AGAP1: variants seen among roughly 807,000 people sequenced by gnomAD.
AGAP1 encodes ArfGAP with GTPase domain, ankyrin repeat and PH domain 1.
A neutral mutation model predicts 105.3 loss-of-function variants in AGAP1; 29 were observed. That is an observed-to-expected ratio of 0.28 (90% CI 0.21 to 0.38). The LOEUF is 0.38. Among genes scored for constraint, AGAP1 ranks in the 10% least tolerant of loss-of-function variants. The pLI, the probability that AGAP1 is intolerant of heterozygous loss-of-function variation, is 1.00. For missense variants in AGAP1, 998 were observed against 1,165.1 expected, an observed-to-expected ratio of 0.86 and a Z score of 2.09; for synonymous variants, 509 against 485.9, an observed-to-expected ratio of 1.05 and a Z score of -0.63.
intron 9 of AGAP1, among the ~76,000 whole-genome samples, chr2:235,857,205 G>A (rs1489738717): frequency 6.6e-6 from 1 of 152,168 alleles, no homozygotes; most frequent in African/African-American, 2.4e-5. Flanking sequence ...CAGATCAGCG[G>A]AGGCATTAGA....
rs186057671 is a variant in AGAP1 at position 235,578,236 on chromosome 2, C to T, written c.163+83387C>T. Reference sequence around the variant, plus strand: ...ACTGTCAGAGCCAGCCTGAGCTCCACGGTGCCCGTCTCCTACCTGCACTGT... The same window carrying T: ...ACTGTCAGAGCCAGCCTGAGCTCCATGGTGCCCGTCTCCTACCTGCACTGT... On this transcript the variant is annotated intron_variant, in intron 1 of 17. Coordinates refer to ENST00000304032, the MANE Select transcript of AGAP1 (RefSeq NM_001037131.3). This position sits in a 1 kb window ranked among gnomAD's most constrained non-coding sequence, Gnocchi z 4.9. Among the ~76,000 whole-genome samples, 116 of 152,266 alleles carry T rather than the reference C, an allele frequency of 7.6e-4. No individual in the cohort carries two copies. The highest frequency in any genetic ancestry group is 2.6e-3 in the African/African-American group (108 of 41,556).
chr2:235,505,446 G>T (rs1941757161), intron 1 of AGAP1, among the ~76,000 whole-genome samples: 1 of 152,230 alleles, frequency 6.6e-6, no homozygotes, highest in Admixed American at 6.5e-5. Context: ...TATTTTGAGG[G>T]ATGGTGGTGG....
rs1254120295 is a variant in AGAP1, at chr2:235,611,810, A to T, written c.164-97369A>T. Among the ~76,000 whole-genome samples, 1 of 152,210 alleles carries T rather than the reference A, an allele frequency of 6.6e-6. No homozygotes were observed. The highest frequency in any genetic ancestry group is 6.5e-5 in the Admixed American group (1 of 15,282). On this transcript the variant is annotated intron_variant, in intron 1 of 17. Coordinates refer to ENST00000304032, the MANE Select transcript of AGAP1 (RefSeq NM_001037131.3). The surrounding 1 kb of genome is among the most constrained non-coding windows in gnomAD (Gnocchi z 5.0). ...TTCATTTCCTACCTTTGTAGTTTTCATATAAATTAGATTTACATAGGAGAC... is the reference window on the plus strand; with the variant it reads ...TTCATTTCCTACCTTTGTAGTTTTCTTATAAATTAGATTTACATAGGAGAC...
At chr2:235,756,794 G>A (rs1442568016) in intron 6 of AGAP1, among the ~76,000 whole-genome samples, 2 of 152,108 alleles carry the variant, frequency 1.3e-5, no homozygotes, top group Non-Finnish European at 2.9e-5. Context: ...TCTAGGTTAC[G>A]CATTCCTTAG....
rs991273457 is a variant in AGAP1, at chr2:235,958,026, C to G, written c.1484-10436C>G. The stretch of plus-strand genomic sequence containing the variant: ...AGGGGGCCGATACATACGTGCTTAG[C>G]ATTTTCCTCTCTCTTTTCTTTTGTC... On this transcript the variant is annotated intron_variant, in intron 12 of 17. Transcript: ENST00000304032. The surrounding 1 kb of genome is among the most constrained non-coding windows in gnomAD (Gnocchi z 4.1). 2.0e-5 allele frequency among the ~76,000 whole-genome samples: 3 copies of G among 152,220 alleles called. No individual in the cohort carries two copies. The highest frequency in any genetic ancestry group is 1.3e-4 in the Admixed American group (2 of 15,290).
intron 6 of AGAP1, among the ~76,000 whole-genome samples, 198 bp from the exon 7 acceptor site, chr2:235,797,561 C>T (rs1575491752): frequency 7.6e-6 from 1 of 132,358 alleles, no homozygotes; most frequent in South Asian, 2.4e-4. Flanking sequence ...TCAGCTGATG[C>T]GGGGGTGGGG....
intron 8 of AGAP1, among the ~76,000 whole-genome samples, chr2:235,805,944 T>C (rs1044348053): frequency 1.3e-5 from 2 of 152,218 alleles, no homozygotes; most frequent in African/African-American, 4.8e-5. Context: ...TGTTTCCTAA[T>C]GAGCACAGCT....
intron 1 of AGAP1, among the ~76,000 whole-genome samples, chr2:235,693,013 T>C (rs1949811756): frequency 6.6e-6 from 1 of 152,014 alleles, no homozygotes; most frequent in Non-Finnish European, 1.5e-5. Flanking sequence ...CAGTGTGGAC[T>C]GTAGAGTGTC....
chr2:235,836,860 G>C (rs1349365905), intron 9 of AGAP1, among the ~76,000 whole-genome samples: 2 of 152,188 alleles, frequency 1.3e-5, no homozygotes, highest in African/African-American at 4.8e-5. Flanking sequence ...AGGAGGAACG[G>C]GTTACACTGG....
rs1946550392 is a variant in AGAP1, at chr2:235,623,481, C to T, written c.164-85698C>T. Among the ~76,000 whole-genome samples, 1 of 152,136 alleles carries T rather than the reference C, an allele frequency of 6.6e-6. No individual in the cohort carries two copies. Among genetic ancestry groups the T allele is most frequent in the African/African-American group, 2.4e-5 (1 of 41,426 alleles). The stretch of plus-strand genomic sequence containing the variant: ...AAGGTTTCAGGATGACACAAGCCAT[C>T]GGGTTGAGTGTGTTTGTTTCAGCCC... On this transcript the variant is annotated intron_variant, in intron 1 of 17. Transcript: ENST00000304032. This position sits in a 1 kb window ranked among gnomAD's most constrained non-coding sequence, Gnocchi z 4.5.
At chr2:236,039,183 G>A (rs145118887) in intron 14 of AGAP1, among the ~76,000 whole-genome samples, 2 of 152,262 alleles carry the variant, frequency 1.3e-5, no homozygotes, top group Non-Finnish European at 2.9e-5. Context: ...GATGGTTCAC[G>A]CCTGTACTCC....
intron 6 of AGAP1, among the ~76,000 whole-genome samples, chr2:235,796,060 A>C (rs4467219): frequency 0.23 from 35,389 of 152,156 alleles, 5,175 homozygotes; most frequent in Admixed American, 0.4. Flanking sequence ...TGACATCTGC[A>C]CATTTCTTAC....
intron 11 of AGAP1, among the ~76,000 whole-genome samples, chr2:235,925,968 G>A (rs2052427030): frequency 6.6e-6 from 1 of 152,190 alleles, no homozygotes; most frequent in South Asian, 2.1e-4. Context: ...GAAAACAGTT[G>A]CCCTCGAGTA....
chr2:235,990,127 A>G (rs1449109218), intron 13 of AGAP1, among the ~76,000 whole-genome samples: 2 of 152,172 alleles, frequency 1.3e-5, no homozygotes, highest in Non-Finnish European at 2.9e-5. Flanking sequence ...ACCTTTTTTA[A>G]TGTTTTTCCT....
chr2:235,928,448 G>A (rs562312754), intron 11 of AGAP1, among the ~76,000 whole-genome samples: 13 of 152,144 alleles, frequency 8.5e-5, no homozygotes, highest in Admixed American at 3.3e-4. Context: ...ACAACTGCTC[G>A]GGGAACGAGC....
At position 235,789,385 on chromosome 2, in the gene AGAP1, C is replaced by G. The variant is rs1956840737; in HGVS notation, c.674-8374C>G. ...ATTTAAATCCCCCGATTAATAGGAG[C>G]AATTAAACAATAGCTTCATTTCCAG... On this transcript the variant is annotated intron_variant, in intron 6 of 17. Coordinates refer to ENST00000304032, the MANE Select transcript of AGAP1 (RefSeq NM_001037131.3). The surrounding 1 kb of genome is among the most constrained non-coding windows in gnomAD (Gnocchi z 4.2). 6.6e-6 allele frequency among the ~76,000 whole-genome samples: 1 copy of G among 152,114 alleles called. No homozygotes were observed. The highest frequency in any genetic ancestry group is 1.5e-5 in the Non-Finnish European group (1 of 68,026).
intron 9 of AGAP1, among the ~76,000 whole-genome samples, chr2:235,816,353 G>T (rs1441768585): frequency 6.7e-6 from 1 of 150,004 alleles, no homozygotes; most frequent in East Asian, 2.0e-4. Context: ...CAGGAGAATC[G>T]CATGAACCCG....
chr2:236,118,131 C>G (rs766355634), intron 16 of AGAP1, among the ~76,000 whole-genome samples: 6 of 152,160 alleles, frequency 3.9e-5, no homozygotes, highest in African/African-American at 7.2e-5. Flanking sequence ...GCAATGTAAA[C>G]ACGGGTAAAA....
Position 236,124,305 on chromosome 2 carries a change from G to A in AGAP1, c.*183G>A, listed in dbSNP as rs2059969851. The A allele has an allele frequency of 4.2e-6, 3 of 707,274 alleles. No individual in the cohort carries two copies. The highest frequency in any genetic ancestry group is 7.0e-6 in the Non-Finnish European group (3 of 425,878). The allele number at this position is 707,274 out of a possible 1,614,324, so 43.8% of individuals were successfully genotyped here. ...AAAACCTGGACATCCCTCAAGGGGC[G>A]AAGAGGCGGCCGGGAGACTGCAGAA... On this transcript the variant is annotated 3_prime_UTR_variant, in exon 18 of 18. Transcript: ENST00000304032. This position sits in a 1 kb window ranked among gnomAD's most constrained non-coding sequence, Gnocchi z 5.1.
Sources: allele counts gnomAD v4.1 joint callset (sites outside exome capture counted in the v4.1 genomes callset), GRCh38; gene constraint gnomAD v4.1.1; non-coding constraint Gnocchi (gnomAD v3.1); transcripts MANE v1.5; gene names NCBI Gene and HGNC (gene_info 2026-07-23, HGNC 2026-07-21).